Variants in LY9 observed in about 807,000 individuals in gnomAD.
LY9 encodes T-lymphocyte surface antigen Ly-9.
LY9 carries 59 observed loss-of-function variants against 64.6 expected under a neutral mutation model. The observed-to-expected ratio is 0.91, with a 90% CI of 0.74 to 1.13. The LOEUF is 1.13. Among genes scored for constraint, LY9 ranks in the 50% most tolerant of loss-of-function variants. LY9 has a pLI of 0.00. For synonymous variants in LY9, 281 were observed against 308.5 expected (o/e 0.91, Z 0.93); for missense variants, 789 against 797.2 (o/e 0.99, Z 0.12).
chr1:160,820,283 G>C (rs531376986), intron 7 of LY9, among the ~76,000 whole-genome samples: 1 of 152,184 alleles, frequency 6.6e-6, no homozygotes, highest in Non-Finnish European at 1.5e-5. Context: ...TTTAGTGTGG[G>C]GAGCTGAGAT....
At chr1:160,804,697 G>A (rs1438645010) in intron 2 of LY9, among the ~76,000 whole-genome samples, 1 of 152,096 alleles carries the variant, frequency 6.6e-6, no homozygotes, top group East Asian at 1.9e-4. Flanking sequence ...GTAGAATTTG[G>A]CTGTGACTCC....
chr1:160,802,297 G>A (rs1386910233), intron 2 of LY9: 3 of 993,138 alleles, frequency 3.0e-6, no homozygotes, highest in Non-Finnish European at 3.6e-6. Flanking sequence ...TGCGGGTCCC[G>A]CACACTGCAC....
chr1:160,805,917 G>A (rs1015476088), intron 2 of LY9, among the ~76,000 whole-genome samples: 1 of 74,262 alleles, frequency 1.3e-5, no homozygotes, highest in Non-Finnish European at 2.6e-5. Flanking sequence ...GGCATTCTTT[G>A]TCTTTTTTTT....
rs541323450 is a variant in LY9, at chr1:160,820,637, G to C, written c.1498+1263G>C. 2.6e-5 allele frequency among the ~76,000 whole-genome samples: 4 copies of C among 152,096 alleles called. No homozygotes were observed. In the South Asian group the frequency reaches 8.3e-4, roughly 32 times the overall value. On this transcript the variant is annotated intron_variant, in intron 7 of 9. Coordinates refer to ENST00000263285, the MANE Select transcript of LY9 (RefSeq NM_002348.4). ...TCACTACTGACAGGACAGAGCCCTG[G>C]TGTCCCCCTGCCTGAACCCTCCTTC...
intron 2 of LY9, chr1:160,811,192 T>A (rs374844642): frequency 3.3e-5 from 5 of 152,290 alleles, no homozygotes; most frequent in African/African-American, 1.2e-4. Context: ...GCCTGTGGGG[T>A]CACTCTTCCC....
chr1:160,799,596 CTG>C (rs1666244505), intron 1 of LY9, 155 bp from the exon 2 acceptor site: 1 of 582,394 alleles, frequency 1.7e-6, no homozygotes, highest in South Asian at 2.3e-5. Context: ...GAATTAATGA[CTG>C]TGCTAGGCAA....
intron 9 of LY9, 89 bp downstream of exon 9, chr1:160,824,338 A>G (rs1404446797): frequency 6.4e-7 from 1 of 1,570,410 alleles, no homozygotes; most frequent in African/African-American, 1.4e-5. Flanking sequence ...CGAGATTCCC[A>G]TGGCTAAGGA....
At chr1:160,812,951 G>T (rs1365526838) in intron 2 of LY9, 1 of 152,232 alleles carries the variant, frequency 6.6e-6, no homozygotes, top group Non-Finnish European at 1.5e-5. Flanking sequence ...CGGGTGTGGT[G>T]CTGTGTGCCT....
intron 2 of LY9, among the ~76,000 whole-genome samples, chr1:160,808,981 G>A (rs868253768): frequency 5.3e-5 from 8 of 151,762 alleles, no homozygotes; most frequent in Non-Finnish European, 7.4e-5. Context: ...TTATATAATC[G>A]CCATAATTCA....
chr1:160,824,672 T>C (rs1474861233), intron 9 of LY9: 1 of 981,480 alleles, frequency 1.0e-6, no homozygotes, highest in Non-Finnish European at 1.2e-6. Flanking sequence ...GTACATTAGT[T>C]TTATTCTAGT....
rs1275421400 is a variant in LY9, at chr1:160,811,058, C to CA, written c.455-2577dup. 6 of 152,274 alleles carry CA rather than the reference C, an allele frequency of 3.9e-5. 1 individual carries two copies. The highest frequency in any genetic ancestry group is 1.4e-4 in the African/African-American group (6 of 41,448). The allele number at this position is 152,274 out of a possible 1,614,324, so 9.4% of individuals were successfully genotyped here. ...TCTGGGCCCACTGGAGTAGCAGCCC[C>CA]ACCTCCTTGGCCCTGAGCGGCAGTT... On this transcript the variant is annotated intron_variant, in intron 2 of 9. Transcript: ENST00000263285.
At chr1:160,804,717 G>A (rs1051968459) in intron 2 of LY9, among the ~76,000 whole-genome samples, 21 of 152,126 alleles carry the variant, frequency 1.4e-4, no homozygotes, top group Middle Eastern at 3.4e-3. Context: ...CATCAGTCTC[G>A]GGCTTTTCTC....
chr1:160,799,541 A>G, intron 1 of LY9: 1 of 520,162 alleles, frequency 1.9e-6, no homozygotes, highest in Non-Finnish European at 3.4e-6. Context: ...TGTTTCACAG[A>G]TTGTTGTGGC....
At chr1:160,816,901 T>G in intron 5 of LY9, 38 bp downstream of exon 5, 3 of 1,607,614 alleles carry the variant, frequency 1.9e-6, no homozygotes, top group Non-Finnish European at 2.6e-6. Flanking sequence ...TCACAGGACC[T>G]TGGGGCCTCC....
chr1:160,821,672 G>A (rs879463164), intron 7 of LY9, among the ~76,000 whole-genome samples: 1 of 152,192 alleles, frequency 6.6e-6, no homozygotes. Flanking sequence ...ATAACCAAGT[G>A]GTCAAGTGTA....
intron 1 of LY9, chr1:160,799,195 C>T (rs1170925256): frequency 1.3e-5 from 2 of 153,412 alleles, no homozygotes; most frequent in African/African-American, 2.4e-5. Flanking sequence ...TGAGAGTTCT[C>T]AAACATTCAG....
intron 2 of LY9, 87 bp downstream of exon 2, chr1:160,800,169 G>A (rs544281673): frequency 9.1e-6 from 9 of 988,782 alleles, no homozygotes; most frequent in African/African-American, 3.2e-5. Context: ...TTTGTTATAT[G>A]TATATAGTGC....
At chr1:160,819,502 A>G in intron 7 of LY9, 128 bp downstream of exon 7, 1 of 790,920 alleles carries the variant, frequency 1.3e-6, no homozygotes, top group South Asian at 1.4e-5. Context: ...TAGAAATGCA[A>G]AATCTGACCA....
chr1:160,814,553 C>T lies in LY9; in HGVS notation c.864C>T (p.Ile288=). The change falls in exon 4 of 10, where the codon ATC becomes ATT. Residue 288 remains isoleucine (I), a synonymous_variant. Transcript: ENST00000263285. ...EKVVWLFNTS[I]ISKEREEAAT... The stretch of plus-strand genomic sequence containing the variant: ...TTGTCTGGTTGTTTAACACATCCAT[C>T]ATTAGCAAAGAGAGGGAAGAAGCAG... 1.2e-6 allele frequency: 2 copies of T among 1,614,164 alleles called. No individual in the cohort carries two copies. Among genetic ancestry groups the T allele is most frequent in the Non-Finnish European group, 1.7e-6 (2 of 1,180,016 alleles).
Sources: gnomAD v4.1 joint callset for allele counts (sites outside exome capture counted in the v4.1 genomes callset) on GRCh38, gnomAD v4.1.1 for gene constraint, MANE v1.5 for transcripts, NCBI Gene and HGNC (gene_info 2026-07-23, HGNC 2026-07-21) for gene names.